The following CYTH4 variants were observed in gnomAD, a reference collection of about 807,000 sequenced individuals.
CYTH4 encodes cytohesin-4.
CYTH4 carries 22 observed loss-of-function variants against 57.5 expected under a neutral mutation model. The observed-to-expected ratio is 0.38, with a 90% CI of 0.27 to 0.55. The LOEUF (loss-of-function observed/expected upper bound fraction) is 0.55, where lower values mean the gene tolerates loss of function less well. Ranked by LOEUF, CYTH4 falls within the 20% of genes least tolerant of loss-of-function variation. The pLI, the probability that CYTH4 is intolerant of heterozygous loss-of-function variation, is 0.74. For missense variants in CYTH4, 420 were observed against 535.6 expected, an observed-to-expected ratio of 0.78 and a Z score of 2.13; for synonymous variants, 186 against 206.5, an observed-to-expected ratio of 0.90 and a Z score of 0.85.
chr22:37,310,266 C>T (rs1315051558), intron 9 of CYTH4, among the ~76,000 whole-genome samples: 1 of 152,088 alleles, frequency 6.6e-6, no homozygotes, highest in East Asian at 1.9e-4. Flanking sequence ...AGCTCTATGT[C>T]ATAAATCTTA....
chr22:37,299,426 C>A, intron 6 of CYTH4, 120 bp downstream of exon 6: 1 of 904,708 alleles, frequency 1.1e-6, no homozygotes, highest in Non-Finnish European at 1.8e-6. Flanking sequence ...GAAGAGGAGG[C>A]AAGGAACAAG....
chr22:37,308,277 C>A (rs1243311333), intron 8 of CYTH4, among the ~76,000 whole-genome samples: 1 of 152,192 alleles, frequency 6.6e-6, no homozygotes, highest in Non-Finnish European at 1.5e-5. Context: ...TGCTGTGCCC[C>A]AGAGACAGAG....
Position 37,282,551 on chromosome 22 carries a change from T to G in CYTH4, c.-19T>G, listed in dbSNP as rs775870570. On this transcript the variant is annotated 5_prime_UTR_variant, in exon 1 of 13. Coordinates refer to ENST00000248901, the MANE Select transcript of CYTH4 (RefSeq NM_013385.5). ...CAAGCGACAGGAGCACGGGTCATCTTTTCCCCAGAGGCGTCGGAATGGACC... is the reference window on the plus strand; with the variant it reads ...CAAGCGACAGGAGCACGGGTCATCTGTTCCCCAGAGGCGTCGGAATGGACC... The G allele has an allele frequency of 6.2e-7, 1 of 1,613,858 alleles. No homozygotes were observed. The highest frequency in any genetic ancestry group is 1.1e-5 in the South Asian group (1 of 91,066).
intron 8 of CYTH4, among the ~76,000 whole-genome samples, chr22:37,307,280 G>C (rs1410527275): frequency 6.6e-6 from 1 of 152,248 alleles, no homozygotes; most frequent in Non-Finnish European, 1.5e-5. Flanking sequence ...AGTGACCGCA[G>C]AAGCTGCTGG....
Position 37,314,576 on chromosome 22 carries a change from A to G in CYTH4, c.*1065A>G. 2 of 396,606 alleles carry G rather than the reference A, an allele frequency of 5.0e-6. No homozygotes were observed. Among genetic ancestry groups the G allele is most frequent in the Non-Finnish European group, 8.9e-6 (2 of 225,332 alleles). The allele number at this position is 396,606 out of a possible 1,614,324, so 24.6% of individuals were successfully genotyped here. A position where few individuals can be genotyped will look rare whatever the true frequency, so the allele number is the denominator to read the frequency against. On this transcript the variant is annotated 3_prime_UTR_variant, in exon 13 of 13. Transcript: ENST00000248901. ...TGCAAGACCACTGACGAGCAGTCCC[A>G]TGGTGATAAAGGGCAGCCCGGCGGG... is the stretch of plus-strand genomic sequence containing the variant.
intron 8 of CYTH4, chr22:37,304,352 A>G (rs1281446395): frequency 2.3e-6 from 1 of 442,072 alleles, no homozygotes; most frequent in East Asian, 7.1e-5. Flanking sequence ...TTCCAATGAC[A>G]GCCTCAGGAG....
At position 37,313,559 on chromosome 22, in the gene CYTH4, G is replaced by A. The variant is rs375406854; in HGVS notation, c.*48G>A. On this transcript the variant is annotated 3_prime_UTR_variant, in exon 13 of 13. Transcript: ENST00000248901. The stretch of plus-strand genomic sequence containing the variant: ...GGCTGGTCACCCTGAGAGTCCCATC[G>A]CCTGCAGCACCTGGAGACCCACCTC... The A allele has an allele frequency of 5.1e-5, 81 of 1,573,614 alleles. No homozygotes were observed. In the African/African-American group the frequency reaches 8.0e-4, roughly 15 times the overall value.
At chr22:37,308,948 C>G (rs536855273) in intron 8 of CYTH4, among the ~76,000 whole-genome samples, 1 of 152,232 alleles carries the variant, frequency 6.6e-6, no homozygotes, top group South Asian at 2.1e-4. Flanking sequence ...CCCCTGCTCG[C>G]TCTGCCCTGC....
At chr22:37,303,149 G>T in intron 7 of CYTH4, 105 bp from the exon 8 acceptor site, 1 of 1,456,642 alleles carries the variant, frequency 6.9e-7, no homozygotes, top group Non-Finnish European at 9.0e-7. Flanking sequence ...AGGACAAGGT[G>T]GACCTTCGGG....
chr22:37,313,563 G>A lies in CYTH4; in HGVS notation c.*52G>A, dbSNP rs1929731178. ...GGTCACCCTGAGAGTCCCATCGCCT[G>A]CAGCACCTGGAGACCCACCTCCCAC... On this transcript the variant is annotated 3_prime_UTR_variant, in exon 13 of 13. Transcript: ENST00000248901. 6.4e-7 allele frequency: 1 copy of A among 1,558,950 alleles called. No individual in the cohort carries two copies. Among genetic ancestry groups the A allele is most frequent in the East Asian group, 2.2e-5 (1 of 44,628 alleles).
intron 8 of CYTH4, among the ~76,000 whole-genome samples, chr22:37,308,006 G>A (rs1267894836): frequency 6.6e-6 from 1 of 152,210 alleles, no homozygotes; most frequent in Non-Finnish European, 1.5e-5. Flanking sequence ...TGCCAGAAAG[G>A]CTTCCGTGGA....
Position 37,314,798 on chromosome 22 carries a change from C to T in CYTH4, c.*1287C>T, listed in dbSNP as rs9610708. The T allele has an allele frequency of 0.55, 95,596 of 174,300 alleles. 28,656 individuals are homozygous for T. The highest frequency in any genetic ancestry group is 0.83 in the African/African-American group (35,218 of 42,460). The allele number at this position is 174,300 out of a possible 1,614,324, so 10.8% of individuals were successfully genotyped here. ...CTTGGCAGGGGAACAGGAAATGTGG[C>T]CGCCTCTGCCCCACTGCCAGCCTGA... On this transcript the variant is annotated 3_prime_UTR_variant, in exon 13 of 13. Coordinates refer to ENST00000248901, the MANE Select transcript of CYTH4 (RefSeq NM_013385.5).
rs11704968 is a variant in CYTH4, at chr22:37,313,584, C to G, written c.*73C>G. On this transcript the variant is annotated 3_prime_UTR_variant, in exon 13 of 13. Coordinates refer to ENST00000248901, the MANE Select transcript of CYTH4 (RefSeq NM_013385.5). ...GCCTGCAGCACCTGGAGACCCACCT[C>G]CCACCCCAGTGCACTCTTTTGGGCC... is the stretch of plus-strand genomic sequence containing the variant. The G allele has an allele frequency of 7.4e-7, 1 of 1,351,850 alleles. No individual in the cohort carries two copies. Among genetic ancestry groups the G allele is most frequent in the Non-Finnish European group, 1.1e-6 (1 of 943,702 alleles). The allele number at this position is 1,351,850 out of a possible 1,614,324, so 83.7% of individuals were successfully genotyped here.
chr22:37,294,865 C>A, intron 3 of CYTH4, 141 bp downstream of exon 3: 2 of 1,014,004 alleles, frequency 2.0e-6, no homozygotes, highest in Non-Finnish European at 3.0e-6. Context: ...GAGGCAGCAA[C>A]GAGACCGGAA....
chr22:37,302,239 C>T (rs2145864818), intron 7 of CYTH4, among the ~76,000 whole-genome samples: 1 of 152,270 alleles, frequency 6.6e-6, no homozygotes, highest in South Asian at 2.1e-4. Flanking sequence ...GGGCAGGGAC[C>T]CTGTCAGACC....
At chr22:37,282,658 C>T in intron 1 of CYTH4, 70 bp downstream of exon 1, 7 of 1,347,556 alleles carry the variant, frequency 5.2e-6, no homozygotes, top group South Asian at 1.3e-5. Context: ...CAGCCCCTGC[C>T]TCACAGGGTC....
chr22:37,313,138 C>T (rs548007925), intron 12 of CYTH4, among the ~76,000 whole-genome samples: 54 of 152,356 alleles, frequency 3.5e-4, no homozygotes, highest in Admixed American at 8.5e-4. Flanking sequence ...CATCACCTTC[C>T]GAAGGTCGCC....
In CYTH4 at chr22:37,295,068, CAAGGA is replaced by C. The variant is rs1928903337; in HGVS notation, c.167+346_167+350del. Reference sequence around the variant, plus strand: ...GGAAGCTCAGCCCCAAGGGCAAGGACAAGGAAGCCCAGGGCCCCAGGAGGACAGGA... The same window carrying C: ...GGAAGCTCAGCCCCAAGGGCAAGGACAGCCCAGGGCCCCAGGAGGACAGGA... On this transcript the variant is annotated intron_variant, in intron 3 of 12. Coordinates refer to ENST00000248901, the MANE Select transcript of CYTH4 (RefSeq NM_013385.5). This position sits in a 1 kb window ranked among gnomAD's most constrained non-coding sequence, Gnocchi z 4.1. Among the ~76,000 whole-genome samples, 1 of 152,188 alleles carries C rather than the reference CAAGGA, an allele frequency of 6.6e-6. No homozygotes were observed. The highest frequency in any genetic ancestry group is 2.1e-4 in the South Asian group (1 of 4,832).
chr22:37,309,884 A>T (rs1160334670), intron 9 of CYTH4: 1 of 374,406 alleles, frequency 2.7e-6, no homozygotes, highest in Non-Finnish European at 5.6e-6. Context: ...CCCTGCAGAG[A>T]GCAGCTGGGG....
Sources: gnomAD v4.1 joint callset for allele counts (sites outside exome capture counted in the v4.1 genomes callset) on GRCh38, gnomAD v4.1.1 for gene constraint, Gnocchi (gnomAD v3.1) non-coding constraint, MANE v1.5 for transcripts, NCBI Gene and HGNC (gene_info 2026-07-23, HGNC 2026-07-21) for gene names.